The following ABCA6 variants were observed in gnomAD, a reference collection of about 807,000 sequenced individuals.
The protein encoded by ABCA6 is ATP binding cassette subfamily A member 6.
ABCA6 carries 164 observed loss-of-function variants against 191.2 expected under a neutral mutation model. That is an observed-to-expected ratio of 0.86 (90% CI 0.76 to 0.98). The LOEUF (loss-of-function observed/expected upper bound fraction) is 0.98, where lower values mean the gene tolerates loss of function less well. ABCA6 is among the 50% of genes least tolerant of loss of function. ABCA6 has a pLI of 0.00. For missense variants in ABCA6, 1,958 were observed against 1,894.1 expected, an observed-to-expected ratio of 1.03 and a Z score of -0.63; for synonymous variants, 636 against 647.7, an observed-to-expected ratio of 0.98 and a Z score of 0.27.
intron 22 of ABCA6, 98 bp downstream of exon 22, chr17:69,100,699 C>T: frequency 2.4e-6 from 3 of 1,247,156 alleles, no homozygotes; most frequent in Admixed American, 2.9e-5. Context: ...AATTTTCAGG[C>T]TTAACAATCA....
intron 36 of ABCA6, among the ~76,000 whole-genome samples, 165 bp from the exon 37 acceptor site, chr17:69,081,310 GGTATCT>G (rs2072629177): frequency 6.6e-6 from 1 of 152,122 alleles, no homozygotes; most frequent in Admixed American, 6.5e-5. Context: ...ATTGCTTTTT[GGTATCT>G]GGCTGTTGCA....
chr17:69,096,858 T>A, intron 23 of ABCA6, 57 bp from the exon 24 acceptor site: 1 of 1,370,972 alleles, frequency 7.3e-7, no homozygotes, highest in Non-Finnish European at 9.7e-7. Context: ...AAAATGCAAA[T>A]CTAAAATAAA....
rs758890316 is a variant in ABCA6, at chr17:69,087,638, C to G, written c.3699-165G>C. On this transcript the variant is annotated intron_variant, in intron 28 of 38. Transcript: ENST00000284425. ...TCTGCTTTTGCCAAGAACTCCTGTC[C>G]CACTAGCCAGAATCCTTTTCTTAAT... The G allele has an allele frequency of 2.6e-4, 222 of 850,592 alleles. 2 individuals carry two copies. The highest frequency in any genetic ancestry group is 3.6e-4 in the Non-Finnish European group (198 of 552,692). The allele number at this position is 850,592 out of a possible 1,614,324, so 52.7% of individuals were successfully genotyped here.
At chr17:69,134,886 G>GCCTTTTTTT in intron 4 of ABCA6, 144 bp from the exon 5 acceptor site, 5 of 127,060 alleles carry the variant, frequency 3.9e-5, no homozygotes, top group Non-Finnish European at 5.0e-5. Flanking sequence ...TGTTGTGGTT[G>GCCTTTTTTT]TCTTTTTTTT....
intron 18 of ABCA6, among the ~76,000 whole-genome samples, 155 bp from the exon 19 acceptor site, chr17:69,106,366 G>A (rs1366458171): frequency 6.6e-6 from 1 of 152,106 alleles, no homozygotes; most frequent in African/African-American, 2.4e-5. Context: ...ACCAAGGTGG[G>A]TGGATCACCT....
At chr17:69,086,973 A>T (rs2072811102) in intron 29 of ABCA6, among the ~76,000 whole-genome samples, 1 of 152,196 alleles carries the variant, frequency 6.6e-6, no homozygotes, top group Non-Finnish European at 1.5e-5. Context: ...TCATGGAACC[A>T]TCACATCTAA....
chr17:69,108,651 G>C (rs1440714446), intron 17 of ABCA6: 1 of 152,148 alleles, frequency 6.6e-6, no homozygotes, highest in Admixed American at 6.6e-5. Context: ...TGAGACTGCA[G>C]GATTCTAGAA....
At chr17:69,139,527 A>G (rs2073997325) in intron 2 of ABCA6, among the ~76,000 whole-genome samples, 2 of 152,122 alleles carry the variant, frequency 1.3e-5, no homozygotes, top group Non-Finnish European at 2.9e-5. Context: ...ACCATTGTGG[A>G]AGTCAGTGTG....
At chr17:69,101,124 A>T (rs1215103780) in intron 21 of ABCA6, among the ~76,000 whole-genome samples, 190 bp from the exon 22 acceptor site, 1 of 152,210 alleles carries the variant, frequency 6.6e-6, no homozygotes, top group Non-Finnish European at 1.5e-5. Flanking sequence ...TAGGGCTTAA[A>T]TGACACTCTA....
At chr17:69,117,487 A>T (rs1250061895) in intron 11 of ABCA6, among the ~76,000 whole-genome samples, 1 of 152,042 alleles carries the variant, frequency 6.6e-6, no homozygotes, top group Non-Finnish European at 1.5e-5. Flanking sequence ...GTGAAATTTA[A>T]TTCATAGTCA....
At chr17:69,132,076 T>C (rs1441989129) in intron 6 of ABCA6, among the ~76,000 whole-genome samples, 2 of 152,118 alleles carry the variant, frequency 1.3e-5, no homozygotes, top group Admixed American at 6.5e-5. Flanking sequence ...TTATGTATAT[T>C]AGAATTAAGA....
intron 3 of ABCA6, among the ~76,000 whole-genome samples, chr17:69,136,548 A>C (rs1450636324): frequency 3.3e-5 from 5 of 152,202 alleles, no homozygotes; most frequent in Non-Finnish European, 7.4e-5. Flanking sequence ...ATGAGAGTAC[A>C]AAAACAGAAT....
chr17:69,095,885 G>T (rs979309353), intron 25 of ABCA6, among the ~76,000 whole-genome samples: 1 of 152,020 alleles, frequency 6.6e-6, no homozygotes, highest in African/African-American at 2.4e-5. Flanking sequence ...AGCAGCTAAG[G>T]TTAAGAGAGA....
chr17:69,139,155 A>C (rs2073991349), intron 2 of ABCA6, among the ~76,000 whole-genome samples: 1 of 152,212 alleles, frequency 6.6e-6, no homozygotes, highest in Non-Finnish European at 1.5e-5. Flanking sequence ...CAGGGTGAAC[A>C]GGCAACCTAC....
At position 69,084,420 on chromosome 17, in the gene ABCA6, C is replaced by T; in HGVS notation, c.4260+12G>A. The T allele has an allele frequency of 1.2e-6, 2 of 1,614,158 alleles. No homozygotes were observed. Among genetic ancestry groups the T allele is most frequent in the Non-Finnish European group, 1.7e-6 (2 of 1,180,000 alleles). Reference sequence around the variant, plus strand: ...CACCAGCTCTCCATAGAGCATCACACACCGCACGTACCTTTCTCGTGATTC... The same window carrying T: ...CACCAGCTCTCCATAGAGCATCACATACCGCACGTACCTTTCTCGTGATTC... On this transcript the variant is annotated intron_variant, in intron 33 of 38. Transcript: ENST00000284425.
chr17:69,127,468 A>G (rs1214517221), intron 8 of ABCA6, among the ~76,000 whole-genome samples: 1 of 152,122 alleles, frequency 6.6e-6, no homozygotes. Context: ...AAAGAACTGG[A>G]TAGGTAATTT....
Position 69,125,023 on chromosome 17 carries a change from C to G in ABCA6, c.1132G>C (p.Asp378His). ...AAAATTACACCATTCAAGTTATAAT[C>G]CAGTTTGATAATCTAAGATTCAAAA... ...TTGMIQIIKL[D>H]YNLNGVIFPD... is the part of the protein sequence containing the mutation. Residue 378 changes from aspartate (D) to histidine (H), a missense_variant, in exon 9 of 39, where the codon GAT becomes CAT. Asp to His is a moderately conservative substitution (Grantham distance 81). Transcript: ENST00000284425. 2 of 1,390,900 alleles carry G rather than the reference C, an allele frequency of 1.4e-6. No homozygotes were observed. The highest frequency in any genetic ancestry group is 1.9e-6 in the Non-Finnish European group (2 of 1,049,568). 86.2% of individuals were successfully genotyped at this position (1,390,900 alleles called of 1,614,324 possible).
At chr17:69,139,835 A>G (rs1280697020) in intron 2 of ABCA6, among the ~76,000 whole-genome samples, 2 of 151,756 alleles carry the variant, frequency 1.3e-5, no homozygotes, top group African/African-American at 2.4e-5. Context: ...TTCTCAGTAA[A>G]CTATTGCAAG....
intron 2 of ABCA6, among the ~76,000 whole-genome samples, chr17:69,137,883 C>G (rs1449086360): frequency 6.6e-6 from 1 of 152,072 alleles, no homozygotes; most frequent in South Asian, 2.1e-4. Context: ...GTTGTCATAT[C>G]CTTGTATTGT....
Sources: allele counts gnomAD v4.1 joint callset (sites outside exome capture counted in the v4.1 genomes callset), GRCh38; gene constraint gnomAD v4.1.1; transcripts MANE v1.5; gene names NCBI Gene and HGNC (gene_info 2026-07-23, HGNC 2026-07-21).